Variants in DIP2C observed in about 807,000 individuals in gnomAD.
DIP2C encodes the protein DIP2 acetate--CoA ligase C (putative), also known as disco-interacting protein 2 homolog C.
Under a neutral mutation model 192.4 loss-of-function variants are expected in DIP2C, and 33 were observed. That is an observed-to-expected ratio of 0.17 (90% CI 0.13 to 0.23). The LOEUF (loss-of-function observed/expected upper bound fraction) is 0.23, where lower values mean the gene tolerates loss of function less well. Among genes scored for constraint, DIP2C ranks in the 10% least tolerant of loss-of-function variants. DIP2C has a pLI of 1.00. For synonymous variants in DIP2C, 979 were observed against 864.1 expected, an observed-to-expected ratio of 1.13 and a Z score of -2.33; for missense variants, 1,537 against 2,110.1, an observed-to-expected ratio of 0.73 and a Z score of 5.32.
intron 5 of DIP2C, among the ~76,000 whole-genome samples, chr10:421,981 G>A (rs1289436072): frequency 1.3e-5 from 2 of 152,146 alleles, no homozygotes; most frequent in East Asian, 1.9e-4. Context: ...ACATTCTGGG[G>A]TTCTGGGGTG....
At chr10:515,465 T>G (rs905673778) in intron 1 of DIP2C, among the ~76,000 whole-genome samples, 11 of 152,160 alleles carry the variant, frequency 7.2e-5, no homozygotes, top group African/African-American at 2.2e-4. Flanking sequence ...GCTCACACCT[T>G]TAATCCCAGC....
At chr10:540,055 G>C (rs2130896700) in intron 1 of DIP2C, among the ~76,000 whole-genome samples, 1 of 152,312 alleles carries the variant, frequency 6.6e-6, no homozygotes, top group East Asian at 1.9e-4. Context: ...CAATAACCAT[G>C]AATCAGAAGC....
At chr10:575,841 G>A (rs897139862) in intron 1 of DIP2C, among the ~76,000 whole-genome samples, 1 of 152,172 alleles carries the variant, frequency 6.6e-6, no homozygotes, top group African/African-American at 2.4e-5. Context: ...TCAATTTAGG[G>A]TCATTTTCAG....
chr10:499,833 T>C (rs1013384315), intron 1 of DIP2C, among the ~76,000 whole-genome samples: 1 of 152,212 alleles, frequency 6.6e-6, no homozygotes, highest in African/African-American at 2.4e-5. Context: ...AACTCTGAAA[T>C]GTCTAGTTAC....
intron 1 of DIP2C, among the ~76,000 whole-genome samples, chr10:547,876 G>A (rs769810862): frequency 1.3e-5 from 2 of 152,104 alleles, no homozygotes; most frequent in Non-Finnish European, 2.9e-5. Context: ...CACCATCCCT[G>A]GGGAGCCCAC....
chr10:464,400 A>C (rs1245245767), intron 3 of DIP2C, among the ~76,000 whole-genome samples: 3 of 152,176 alleles, frequency 2.0e-5, no homozygotes, highest in African/African-American at 7.2e-5. Flanking sequence ...AAAAAAGCTC[A>C]TCATCACTGG....
intron 1 of DIP2C, among the ~76,000 whole-genome samples, chr10:625,926 A>C (rs1221265323): frequency 6.6e-6 from 1 of 152,190 alleles, no homozygotes; most frequent in African/African-American, 2.4e-5. Context: ...GTCCCTGGAA[A>C]TTTCACCAAA....
Position 542,457 on chromosome 10 carries a change from A to ACC in DIP2C, c.86-55929_86-55928dup, listed in dbSNP as rs1007113406. On this transcript the variant is annotated intron_variant, in intron 1 of 36. Transcript: ENST00000280886. The stretch of plus-strand genomic sequence containing the variant: ...GAACGGTGTCAAAGAGGCAGGACCC[A>ACC]CCAGCAGGACTGCCAGCGGCCAGAC... 1.4e-4 allele frequency among the ~76,000 whole-genome samples: 21 copies of ACC among 152,320 alleles called. 1 individual carries two copies. In the South Asian group the frequency reaches 3.5e-3, roughly 26 times the overall value.
At chr10:538,693 C>G (rs984499414) in intron 1 of DIP2C, among the ~76,000 whole-genome samples, 2 of 152,100 alleles carry the variant, frequency 1.3e-5, no homozygotes, top group Non-Finnish European at 2.9e-5. Context: ...GTCTAAGAAC[C>G]TCAAATTACC....
intron 10 of DIP2C, among the ~76,000 whole-genome samples, chr10:395,713 TGA>T (rs1963934994): frequency 6.6e-6 from 1 of 152,208 alleles, no homozygotes; most frequent in South Asian, 2.1e-4. Flanking sequence ...CCCTTTCTTC[TGA>T]GAGGGGTTTT....
At chr10:465,738 CCAA>C (rs1246491815) in intron 3 of DIP2C, among the ~76,000 whole-genome samples, 1 of 151,648 alleles carries the variant, frequency 6.6e-6, no homozygotes, top group Non-Finnish European at 1.5e-5. Flanking sequence ...TTCTTATACA[CCAA>C]CAGCAGACAA....
intron 1 of DIP2C, among the ~76,000 whole-genome samples, chr10:606,040 G>A (rs1852438407): frequency 1.3e-5 from 2 of 152,348 alleles, no homozygotes; most frequent in South Asian, 4.1e-4. Flanking sequence ...GGGTCCGACT[G>A]TGCAAGTCTT....
At chr10:453,663 T>C (rs911695241) in intron 3 of DIP2C, among the ~76,000 whole-genome samples, 2 of 152,266 alleles carry the variant, frequency 1.3e-5, no homozygotes, top group South Asian at 2.1e-4. Context: ...AGCATTAACG[T>C]GTTATCAAAG....
intron 1 of DIP2C, among the ~76,000 whole-genome samples, chr10:533,695 G>A (rs749885996): frequency 3.3e-5 from 5 of 150,398 alleles, no homozygotes; most frequent in Non-Finnish European, 5.9e-5. Flanking sequence ...CTAGTCCACA[G>A]GGAAATTTCT....
chr10:417,657 T>TGCACCTGTCAGG (rs1965758750), intron 6 of DIP2C, among the ~76,000 whole-genome samples: 1 of 13,388 alleles, frequency 7.5e-5, no homozygotes, highest in Non-Finnish European at 2.0e-4. Context: ...CCTGTCCACC[T>TGCACCTGTCAGG]GTTCCTGTCA....
intron 29 of DIP2C, among the ~76,000 whole-genome samples, chr10:334,719 T>TA (rs1196100080): frequency 6.6e-6 from 1 of 152,220 alleles, no homozygotes; most frequent in African/African-American, 2.4e-5. Context: ...GTAACTCTAT[T>TA]AAAAAATTAT....
At chr10:552,873 G>C (rs11253163) in intron 1 of DIP2C, among the ~76,000 whole-genome samples, 23,559 of 152,230 alleles carry the variant, frequency 0.15, 2,999 homozygotes, top group African/African-American at 0.35. Context: ...AACACCCCAT[G>C]TCTGCCCTGG....
At chr10:316,108 C>T (rs545147899) in intron 31 of DIP2C, among the ~76,000 whole-genome samples, 8 of 152,278 alleles carry the variant, frequency 5.3e-5, no homozygotes, top group Non-Finnish European at 1.2e-4. Context: ...ACAGCTATTT[C>T]GAAGTCTCTG....
rs112940959 is a variant in DIP2C at position 384,040 on chromosome 10, G to A, written c.1863C>T (p.Asp621=). 5,455 of 1,603,402 alleles carry A rather than the reference G, an allele frequency of 3.4e-3. 36 individuals carry two copies. The highest frequency in any genetic ancestry group is 0.016 in the Middle Eastern group (95 of 6,022). The change falls in exon 16 of 37, where the codon GAC becomes GAT. Residue 621 remains aspartate (D), a synonymous_variant. Transcript: ENST00000280886. ...CTCCTCACTTACAGGGGTTCGCGCC[G>A]TCCGCCACTATCAGCATTCGCAGAG... ...LSSLRMLIVA[D]GANPWSISSC... is the part of the protein sequence containing the mutation.
Sources: allele counts gnomAD v4.1 joint callset (sites outside exome capture counted in the v4.1 genomes callset), GRCh38; gene constraint gnomAD v4.1.1; transcripts MANE v1.5; gene names NCBI Gene and HGNC (gene_info 2026-07-23, HGNC 2026-07-21).